Variants in MYH13 observed in about 807,000 individuals in gnomAD.
The protein encoded by MYH13 is myosin-13.
Under a neutral mutation model 232.1 loss-of-function variants are expected in MYH13, and 177 were observed. The ratio of observed to expected loss-of-function variants is 0.76; its 90% CI spans 0.67 to 0.86. The LOEUF (loss-of-function observed/expected upper bound fraction) is 0.86, where lower values mean the gene tolerates loss of function less well. MYH13 is among the 40% of genes least tolerant of loss of function. The pLI is 0.00. For synonymous variants in MYH13, 884 were observed against 923.5 expected, an observed-to-expected ratio of 0.96 and a Z score of 0.78; for missense variants, 2,246 against 2,405.9, an observed-to-expected ratio of 0.93 and a Z score of 1.39.
chr17:10,334,823 G>A (rs934980874), intron 18 of MYH13, among the ~76,000 whole-genome samples: 1 of 151,266 alleles, frequency 6.6e-6, no homozygotes, highest in Non-Finnish European at 1.5e-5. Flanking sequence ...AGGTTGCAGT[G>A]AGCCGAGATT....
intron 30 of MYH13, 39 bp downstream of exon 30, chr17:10,313,119 C>T (rs755749193): frequency 2.5e-6 from 4 of 1,613,648 alleles, no homozygotes; most frequent in Non-Finnish European, 3.4e-6. Context: ...GGCTTGTGTC[C>T]TCGGGCCCCC....
At position 10,360,018 on chromosome 17, in the gene MYH13, A is replaced by G. The variant is rs996957478; in HGVS notation, c.587T>C (p.Phe196Ser). Residue 196 changes from phenylalanine to serine, a missense_variant, in exon 7 of 41, where the codon TTT (phenylalanine) becomes TCT (serine). Transcript: ENST00000252172. ...GTCCCCGGTAACTGCAATTGTTGCAAAATACTGGATGACACGCTTGGTGTT... is the reference window on the plus strand; with the variant it reads ...GTCCCCGGTAACTGCAATTGTTGCAGAATACTGGATGACACGCTTGGTGTT... ...TVNTKRVIQY[F>S]ATIAVTGDKK... The G allele has an allele frequency of 2.8e-5, 45 of 1,613,958 alleles. No individual in the cohort carries two copies. The highest frequency in any genetic ancestry group is 3.8e-5 in the Non-Finnish European group (45 of 1,180,014).
chr17:10,355,541 C>G (rs1307915393), intron 8 of MYH13, among the ~76,000 whole-genome samples: 2 of 152,184 alleles, frequency 1.3e-5, no homozygotes, highest in Non-Finnish European at 2.9e-5. Context: ...TATTGGCCAC[C>G]ATGACCTCTC....
At chr17:10,357,900 G>A (rs2071761260) in intron 7 of MYH13, 73 bp from the exon 8 acceptor site, 9 of 1,369,342 alleles carry the variant, frequency 6.6e-6, no homozygotes, top group South Asian at 2.4e-5. Context: ...TGACTAAAAC[G>A]GTGGGTACTC....
rs762940966 is a variant in MYH13 at position 10,350,626 on chromosome 17, C to T, written c.1074G>A (p.Val358=). 6.2e-7 allele frequency: 1 copy of T among 1,613,818 alleles called. No homozygotes were observed. Among genetic ancestry groups the T allele is most frequent in the Non-Finnish European group, 8.5e-7 (1 of 1,179,978 alleles). Residue 358 remains valine, a synonymous_variant, in exon 12 of 41, where the codon GTG becomes GTA. Coordinates refer to ENST00000252172, the MANE Select transcript of MYH13 (RefSeq NM_003802.3). Reference sequence around the variant, plus strand: ...TGAACTTCATGTTCCCATAATGCATCACGGCTCCCGTCAGTTTGTAGATCC... The same window carrying T: ...TGAACTTCATGTTCCCATAATGCATTACGGCTCCCGTCAGTTTGTAGATCC... ...KVGIYKLTGA[V]MHYGNMKFKQ... is the part of the protein sequence containing the mutation.
chr17:10,363,686 G>C (rs745392449), intron 3 of MYH13, among the ~76,000 whole-genome samples: 1 of 152,142 alleles, frequency 6.6e-6, no homozygotes, highest in Non-Finnish European at 1.5e-5. Flanking sequence ...GCGGTGGTGA[G>C]GGCACCCCAA....
At chr17:10,332,045 AG>A in intron 20 of MYH13, 53 bp downstream of exon 20, 6 of 1,597,626 alleles carry the variant, frequency 3.8e-6, no homozygotes, top group Non-Finnish European at 5.1e-6. Context: ...TCAGCTAAGA[AG>A]CAGCCCAGGG....
chr17:10,360,576 C>A (rs1352517938), intron 5 of MYH13, among the ~76,000 whole-genome samples: 2 of 152,156 alleles, frequency 1.3e-5, no homozygotes, highest in Non-Finnish European at 2.9e-5. Flanking sequence ...TGGTTGGTTT[C>A]ATTGCATTTT....
At chr17:10,353,631 G>C (rs2071726456) in intron 11 of MYH13, among the ~76,000 whole-genome samples, 2 of 152,092 alleles carry the variant, frequency 1.3e-5, no homozygotes, top group African/African-American at 4.8e-5. Context: ...TTGGGAGGCT[G>C]AGCTGGGTGG....
chr17:10,323,355 A>G (rs933850736), intron 23 of MYH13, among the ~76,000 whole-genome samples: 1 of 152,184 alleles, frequency 6.6e-6, no homozygotes, highest in African/African-American at 2.4e-5. Flanking sequence ...TGACCCCTGT[A>G]GGCCTTCTTG....
chr17:10,315,546 G>C (rs2142226665), intron 29 of MYH13, 147 bp downstream of exon 29: 1 of 675,882 alleles, frequency 1.5e-6, no homozygotes, highest in East Asian at 2.7e-5. Context: ...CATCTGCCTT[G>C]GCCTCCCAAA....
chr17:10,326,747 G>A (rs1309718206), intron 22 of MYH13, among the ~76,000 whole-genome samples: 3 of 150,506 alleles, frequency 2.0e-5, no homozygotes, highest in Non-Finnish European at 4.4e-5. Flanking sequence ...ACAGTGCTGG[G>A]ATTACAGGTG....
In MYH13 at chr17:10,351,943, T is replaced by G. The variant is rs142246864; in HGVS notation, c.1006-1249A>C. ...CAGGATGATATTGGAGAGTCAAGCATTCTTGGAGTGGCACCCCCTTTAGTG... is the reference window on the plus strand; with the variant it reads ...CAGGATGATATTGGAGAGTCAAGCAGTCTTGGAGTGGCACCCCCTTTAGTG... On this transcript the variant is annotated intron_variant, in intron 11 of 40. Coordinates refer to ENST00000252172, the MANE Select transcript of MYH13 (RefSeq NM_003802.3). 3.8e-3 allele frequency among the ~76,000 whole-genome samples: 578 copies of G among 152,174 alleles called. 4 individuals carry two copies. The highest frequency in any genetic ancestry group is 0.013 in the African/African-American group (540 of 41,518).
chr17:10,351,220 C>CAAAAAAAAAAAAAAAAAAAAAAAAAAA (rs761244522), intron 11 of MYH13, among the ~76,000 whole-genome samples: 3 of 72,708 alleles, frequency 4.1e-5, no homozygotes, highest in Non-Finnish European at 5.7e-5. Flanking sequence ...GACTCCATCT[C>CAAAAAAAAAAAAAAAAAAAAAAAAAAA]AAAAAAAAAA....
At chr17:10,344,947 C>T (rs1416384505) in intron 15 of MYH13, among the ~76,000 whole-genome samples, 1 of 152,106 alleles carries the variant, frequency 6.6e-6, no homozygotes, top group Non-Finnish European at 1.5e-5. Flanking sequence ...GTAAGAAATG[C>T]CACAGTCCTT....
chr17:10,313,768 G>C (rs1906604388), intron 29 of MYH13, among the ~76,000 whole-genome samples: 1 of 152,146 alleles, frequency 6.6e-6, no homozygotes, highest in African/African-American at 2.4e-5. Flanking sequence ...CCTTTTCCTT[G>C]ATATAATCAG....
chr17:10,369,413 A>G (rs2071862407), intron 2 of MYH13, among the ~76,000 whole-genome samples: 1 of 152,246 alleles, frequency 6.6e-6, no homozygotes, highest in Non-Finnish European at 1.5e-5. Context: ...TTGAGCTTTT[A>G]AATATCTTAC....
Position 10,364,500 on chromosome 17 carries a change from C to T in MYH13, c.31G>A (p.Gly11Arg). Reference protein sequence around the residue: MSSDAEMAIFGEAAPYLRKPE... With the variant: MSSDAEMAIFREAAPYLRKPE... The stretch of plus-strand genomic sequence containing the variant: ...TTCCGGAGGTAGGGAGCTGCTTCTC[C>T]AAAAATGGCCATTTCTGCGTCAGAG... Residue 11 changes from glycine to arginine, a missense_variant, in exon 3 of 41, where the codon GGA (glycine) becomes AGA (arginine). Coordinates refer to ENST00000252172, the MANE Select transcript of MYH13 (RefSeq NM_003802.3). 1 of 1,605,282 alleles carries T rather than the reference C, an allele frequency of 6.2e-7. No homozygotes were observed. Among genetic ancestry groups the T allele is most frequent in the South Asian group, 1.1e-5 (1 of 89,334 alleles).
At chr17:10,307,277 A>G (rs1426843570) in intron 35 of MYH13, among the ~76,000 whole-genome samples, 1 of 152,254 alleles carries the variant, frequency 6.6e-6, no homozygotes, top group Non-Finnish European at 1.5e-5. Flanking sequence ...TACATGAAAG[A>G]ATTCAGTAAA....
Sources: allele counts gnomAD v4.1 joint callset (sites outside exome capture counted in the v4.1 genomes callset), GRCh38; gene constraint gnomAD v4.1.1; transcripts MANE v1.5; gene names NCBI Gene and HGNC (gene_info 2026-07-23, HGNC 2026-07-21).